SRPRA: variants seen among roughly 807,000 people sequenced by gnomAD.
The protein encoded by SRPRA is signal recognition particle receptor subunit alpha.
In SRPRA, 30 loss-of-function variants were observed where a neutral mutation model predicts 61.1. The observed-to-expected ratio is 0.49, with a 90% confidence interval of 0.37 to 0.67. The LOEUF (loss-of-function observed/expected upper bound fraction) is 0.67, where lower values mean the gene tolerates loss of function less well. Among genes scored for constraint, SRPRA ranks in the 30% least tolerant of loss-of-function variants. The pLI, the probability that SRPRA is intolerant of heterozygous loss-of-function variation, is 0.00. For missense variants in SRPRA, 759 were observed against 828.4 expected, an observed-to-expected ratio of 0.92 and a Z score of 1.03; for synonymous variants, 324 against 299.7, an observed-to-expected ratio of 1.08 and a Z score of -0.84.
rs1304160196 is a variant in SRPRA at position 126,263,865 on chromosome 11, G to T, written c.*51C>A. 6 of 1,606,872 alleles carry T rather than the reference G, an allele frequency of 3.7e-6. No individual in the cohort carries two copies. Among genetic ancestry groups the T allele is most frequent in the East Asian group, 2.2e-5 (1 of 44,862 alleles). On this transcript the variant is annotated 3_prime_UTR_variant, in exon 14 of 14. Coordinates refer to ENST00000332118, the MANE Select transcript of SRPRA (RefSeq NM_003139.4). ...ACTCTAAAGCACATTCTTGATACAG[G>T]AAGAAGGGCTTGTGGGGAAAGCGGC... is the stretch of plus-strand genomic sequence containing the variant.
At chr11:126,245,723 G>A in the SRPRA span, among the ~76,000 whole-genome samples, 4 of 152,096 alleles carry the variant, frequency 2.6e-5, no homozygotes, top group African/African-American at 7.2e-5. Flanking sequence ...GAGGCCGAGC[G>A]CAGTGGCTAA....
At chr11:126,255,483 A>G in the SRPRA span, among the ~76,000 whole-genome samples, 5 of 152,110 alleles carry the variant, frequency 3.3e-5, no homozygotes, top group African/African-American at 9.7e-5. The surrounding 1 kb of genome is among the most constrained non-coding windows in gnomAD (Gnocchi z 4.6). Flanking sequence ...TTGTGTGTGT[A>G]TATGTATACA....
In SRPRA at chr11:126,264,460, C is replaced by A. The variant is rs779201066; in HGVS notation, c.1605G>T (p.Leu535=). 2 of 1,614,166 alleles carry A rather than the reference C, an allele frequency of 1.2e-6. No individual in the cohort carries two copies. The highest frequency in any genetic ancestry group is 1.7e-6 in the Non-Finnish European group (2 of 1,180,038). The change falls in exon 12 of 14, where the codon CTG becomes CTT. Residue 535 remains leucine (L), a synonymous_variant. Coordinates refer to ENST00000332118, the MANE Select transcript of SRPRA (RefSeq NM_003139.4). This position sits in a 1 kb window ranked among gnomAD's most constrained non-coding sequence, Gnocchi z 5.0. ...MQDNAPLMTA[L]AKLITVNTPD... is the part of the protein sequence containing the mutation. ...GTGTATTGACAGTAATGAGTTTGGC[C>A]AGGGCAGTCATCAGAGGGGCATTGT...
At position 126,264,437 on chromosome 11, in the gene SRPRA, G is replaced by A. The variant is rs1390520406; in HGVS notation, c.1628C>T (p.Thr543Ile). 6.2e-7 allele frequency: 1 copy of A among 1,614,126 alleles called. No individual in the cohort carries two copies. Among genetic ancestry groups the A allele is most frequent in the African/African-American group, 1.3e-5 (1 of 74,944 alleles). ...TALAKLITVN[T>I]PDLVLFVGEA... ...TCCTACAAACAGCACCAAATCAGGT[G>A]TATTGACAGTAATGAGTTTGGCCAG... is the stretch of plus-strand genomic sequence containing the variant. Residue 543 changes from threonine to isoleucine, a missense_variant, in exon 12 of 14, where the codon ACA becomes ATA. Thr to Ile is a moderately conservative substitution (Grantham distance 89). Coordinates refer to ENST00000332118, the MANE Select transcript of SRPRA (RefSeq NM_003139.4). This position sits in a 1 kb window ranked among gnomAD's most constrained non-coding sequence, Gnocchi z 5.0.
intron 5 of SRPRA, 34 bp from the exon 6 acceptor site, chr11:126,266,663 G>A: frequency 6.2e-7 from 1 of 1,610,294 alleles, no homozygotes; most frequent in South Asian, 1.1e-5. Flanking sequence ...AGTTATGGTG[G>A]AGAAGTAGGA....
Position 126,266,822 on chromosome 11 carries a change from C to A in SRPRA, c.627G>T (p.Leu209=). ...TGAACTCCTCGCGCTTCCTGCGGAT[C>A]AGCTCCTCTTTGGAAAGTTCTACTC... ...ENGVELSKEE[L]IRRKREEFIQ... is the part of the protein sequence containing the mutation. Residue 209 remains leucine (L), a synonymous_variant, in exon 5 of 14, where the codon CTG becomes CTT. Coordinates refer to ENST00000332118, the MANE Select transcript of SRPRA (RefSeq NM_003139.4). The A allele has an allele frequency of 6.2e-7, 1 of 1,614,220 alleles. No homozygotes were observed. The highest frequency in any genetic ancestry group is 8.5e-7 in the Non-Finnish European group (1 of 1,180,058).
chr11:126,261,605 TAGA>T, downstream of SRPRA: 1 of 728,600 alleles, frequency 1.4e-6, no homozygotes, highest in Non-Finnish European at 2.3e-6. Context: ...AAAAACACTG[TAGA>T]GAATGATTTT....
Position 126,267,252 on chromosome 11 carries a change from C to G in SRPRA, c.449G>C (p.Arg150Thr). 6.2e-7 allele frequency: 1 copy of G among 1,614,102 alleles called. No homozygotes were observed. The highest frequency in any genetic ancestry group is 8.5e-7 in the Non-Finnish European group (1 of 1,180,040). ...TTCCCCCCGTGTCTCAATCATGGAC[C>G]TCACAGGTTTCTTGGCCTTTTCAGA... is the stretch of plus-strand genomic sequence containing the variant. ...EDSEKAKKPV[R>T]SMIETRGEKP... Residue 150 changes from arginine (R) to threonine (T), a missense_variant, in exon 4 of 14, where the codon AGG (arginine) becomes ACG (threonine). This residue lies in a region of SRPRA where 475 missense variants were observed against 462.5 expected (regional missense o/e 1.03). Coordinates refer to ENST00000332118, the MANE Select transcript of SRPRA (RefSeq NM_003139.4). This position sits in a 1 kb window ranked among gnomAD's most constrained non-coding sequence, Gnocchi z 4.2.
downstream of SRPRA, chr11:126,260,998 C>T (rs888300072): frequency 2.5e-5 from 4 of 159,898 alleles, no homozygotes; most frequent in Admixed American, 1.8e-4. Flanking sequence ...CTAGTGCTAC[C>T]GTATTTTATT....
At chr11:126,250,153 G>A in the SRPRA span, among the ~76,000 whole-genome samples, 5 of 149,678 alleles carry the variant, frequency 3.3e-5, no homozygotes, top group Non-Finnish European at 7.4e-5. This position sits in a 1 kb window ranked among gnomAD's most constrained non-coding sequence, Gnocchi z 5.1. Flanking sequence ...GTGCAGTGAC[G>A]CGATCTCGGC....
rs1247470835 is a variant in SRPRA at position 126,264,478 on chromosome 11, G to A, written c.1587C>T (p.Ala529=). ...GTTTGGCCAGGGCAGTCATCAGAGG[G>A]GCATTGTCTTGCATGCGGCCTGCCG... is the stretch of plus-strand genomic sequence containing the variant. ...VDTAGRMQDN[A]PLMTALAKLI... is the part of the protein sequence containing the mutation. The change falls in exon 12 of 14, where the codon GCC becomes GCT. Residue 529 remains alanine, a synonymous_variant. Transcript: ENST00000332118. This position sits in a 1 kb window ranked among gnomAD's most constrained non-coding sequence, Gnocchi z 5.0. The A allele has an allele frequency of 6.2e-6, 10 of 1,613,986 alleles. No homozygotes were observed. Among genetic ancestry groups the A allele is most frequent in the Non-Finnish European group, 8.5e-6 (10 of 1,180,058 alleles).
the SRPRA span, among the ~76,000 whole-genome samples, chr11:126,242,432 GAAA>G: frequency 4.9e-5 from 7 of 143,922 alleles, no homozygotes; most frequent in African/African-American, 1.8e-4. Flanking sequence ...TCTACCAAAA[GAAA>G]AAAAAAAGTG....
chr11:126,268,775 C>T lies in SRPRA; in HGVS notation c.30G>A (p.Lys10=). 6.2e-7 allele frequency: 1 copy of T among 1,613,782 alleles called. No individual in the cohort carries two copies. The highest frequency in any genetic ancestry group is 1.1e-5 in the South Asian group (1 of 91,084). The stretch of plus-strand genomic sequence containing the variant: ...GGAAGCACCAGAGCACAAGCCCGCC[C>T]TTGGAGAAAATGGTGAAGAAGTCGA... The part of the protein sequence containing the change: MLDFFTIFS[K]GGLVLWCFQG... Residue 10 remains lysine (K), a synonymous_variant, in exon 1 of 14, where the codon AAG becomes AAA. Coordinates refer to ENST00000332118, the MANE Select transcript of SRPRA (RefSeq NM_003139.4).
In SRPRA at chr11:126,264,846, G is replaced by A; in HGVS notation, c.1525+113C>T. 2 of 1,056,164 alleles carry A rather than the reference G, an allele frequency of 1.9e-6. No individual in the cohort carries two copies. The highest frequency in any genetic ancestry group is 2.7e-6 in the Non-Finnish European group (2 of 746,590). 65.4% of individuals were successfully genotyped at this position (1,056,164 alleles called of 1,614,324 possible). On this transcript the variant is annotated intron_variant, in intron 11 of 13. Coordinates refer to ENST00000332118, the MANE Select transcript of SRPRA (RefSeq NM_003139.4). The surrounding 1 kb of genome is among the most constrained non-coding windows in gnomAD (Gnocchi z 5.0). ...CAAGTAACTGATCTGACTTTTTACTGTAATTGACCAACGAGTCTGTAGTAG... is the reference window on the plus strand; with the variant it reads ...CAAGTAACTGATCTGACTTTTTACTATAATTGACCAACGAGTCTGTAGTAG...
At chr11:126,254,034 AG>A in the SRPRA span, among the ~76,000 whole-genome samples, 195 of 152,324 alleles carry the variant, frequency 1.3e-3, no homozygotes, top group African/African-American at 4.3e-3. Flanking sequence ...ACCAGTGCAA[AG>A]GGTCCCTGTT....
chr11:126,254,325 G>T, the SRPRA span: 1 of 1,614,152 alleles, frequency 6.2e-7, no homozygotes, highest in East Asian at 2.2e-5. Flanking sequence ...GGGCTCAGGA[G>T]AAGCGTAAGC....
chr11:126,267,187 C>T lies in SRPRA; in HGVS notation c.514G>A (p.Ala172Thr), dbSNP rs1366022050. The T allele has an allele frequency of 6.2e-6, 10 of 1,613,924 alleles. No individual in the cohort carries two copies. The highest frequency in any genetic ancestry group is 1.3e-5 in the African/African-American group (1 of 74,864). The change falls in exon 4 of 14, where the codon GCC (alanine) becomes ACC (threonine). Residue 172 changes from alanine (A) to threonine (T), a missense_variant. Coordinates refer to ENST00000332118, the MANE Select transcript of SRPRA (RefSeq NM_003139.4). This position sits in a 1 kb window ranked among gnomAD's most constrained non-coding sequence, Gnocchi z 4.2. ...EKAKNSKKKG[A>T]KKEGSDGPLA... is the part of the protein sequence containing the mutation. ...AACTCAAACTTGCCTTCCTTCTTGG[C>T]CCCCTTTTTTTTGCTATTCTTTGCT...
Position 126,263,764 on chromosome 11 carries a change from CGGGGAGTG to C in SRPRA, c.*144_*151del. On this transcript the variant is annotated 3_prime_UTR_variant, in exon 14 of 14. Transcript: ENST00000332118. Reference sequence around the variant, plus strand: ...CCTTGCAGATGGCGGCTGTGCTGAACGGGGAGTGGGGTTGGAAGGAGCCACAAGCCCCC... The same window carrying C: ...CCTTGCAGATGGCGGCTGTGCTGAACGGGTTGGAAGGAGCCACAAGCCCCC... The C allele has an allele frequency of 9.3e-7, 1 of 1,076,786 alleles. No individual in the cohort carries two copies. Among genetic ancestry groups the C allele is most frequent in the South Asian group, 1.5e-5 (1 of 64,900 alleles). 66.7% of individuals were successfully genotyped at this position (1,076,786 alleles called of 1,614,324 possible). A position where few individuals can be genotyped will look rare whatever the true frequency, so the allele number is the denominator to read the frequency against.
At chr11:126,254,247 A>G in the SRPRA span, 1 of 1,574,070 alleles carries the variant, frequency 6.4e-7, no homozygotes, top group Non-Finnish European at 8.6e-7. Flanking sequence ...GCCCATTGTG[A>G]CCTTTAAACA....
Sources: allele counts gnomAD v4.1 joint callset (sites outside exome capture counted in the v4.1 genomes callset), GRCh38; gene constraint gnomAD v4.1.1; regional missense constraint gnomAD v4.1.1; non-coding constraint Gnocchi (gnomAD v3.1); transcripts MANE v1.5; gene names NCBI Gene and HGNC (gene_info 2026-07-23, HGNC 2026-07-21).